Variants in SLC18A2 observed in about 807,000 individuals in gnomAD.
The protein encoded by SLC18A2 is solute carrier family 18 member A2.
Under a neutral mutation model 59.2 loss-of-function variants are expected in SLC18A2, and 33 were observed. The observed-to-expected ratio is 0.56, with a 90% confidence interval of 0.42 to 0.75. SLC18A2 has a LOEUF of 0.75. Among genes scored for constraint, SLC18A2 ranks in the 30% least tolerant of loss-of-function variants. SLC18A2 has a pLI of 0.00. For synonymous variants in SLC18A2, 228 were observed against 253.5 expected, an observed-to-expected ratio of 0.90 and a Z score of 0.95; for missense variants, 569 against 668.6, an observed-to-expected ratio of 0.85 and a Z score of 1.64.
At chr10:117,257,940 G>A in intron 10 of SLC18A2, 48 bp downstream of exon 10, 1 of 1,376,526 alleles carries the variant, frequency 7.3e-7, no homozygotes, top group Non-Finnish European at 1.0e-6. Context: ...TTGTCCCCAG[G>A]GCAGCCTTTG....
At chr10:117,258,658 C>T (rs192622801) in intron 10 of SLC18A2, among the ~76,000 whole-genome samples, 19 of 152,196 alleles carry the variant, frequency 1.2e-4, no homozygotes, top group Admixed American at 3.9e-4. Context: ...CTTTTTCCCA[C>T]GCCTCTTGAT....
intron 10 of SLC18A2, among the ~76,000 whole-genome samples, chr10:117,260,648 T>G (rs1844285586): frequency 6.6e-6 from 1 of 152,252 alleles, no homozygotes; most frequent in Non-Finnish European, 1.5e-5. Flanking sequence ...GGTTGCATAT[T>G]GTTTTATTGT....
At chr10:117,258,401 T>C (rs571002864) in intron 10 of SLC18A2, among the ~76,000 whole-genome samples, 32 of 152,340 alleles carry the variant, frequency 2.1e-4, no homozygotes, top group Non-Finnish European at 3.8e-4. Flanking sequence ...TATGTCTTTT[T>C]CTAGATGGTT....
chr10:117,259,267 T>A (rs1033679134), intron 10 of SLC18A2, among the ~76,000 whole-genome samples: 8 of 152,234 alleles, frequency 5.3e-5, no homozygotes, highest in Non-Finnish European at 1.0e-4. Flanking sequence ...ATGTTTTATG[T>A]AGTGTTTATG....
rs183277792 is a variant in SLC18A2, at chr10:117,257,265, G to A, written c.896-532G>A. Among the ~76,000 whole-genome samples the A allele has an allele frequency of 2.2e-4, 34 of 152,196 alleles. 1 individual carries two copies. Among genetic ancestry groups the A allele is most frequent in the Non-Finnish European group, 2.1e-4 (14 of 68,004 alleles). ...TTAAGAGATCATGAATATTTGCATAGGTGCCCTTATGTACCGCTGAACCCC... is the reference window on the plus strand; with the variant it reads ...TTAAGAGATCATGAATATTTGCATAAGTGCCCTTATGTACCGCTGAACCCC... On this transcript the variant is annotated intron_variant, in intron 9 of 15. Transcript: ENST00000644641.
At chr10:117,265,959 G>T (rs930989620) in intron 10 of SLC18A2, among the ~76,000 whole-genome samples, 4 of 151,982 alleles carry the variant, frequency 2.6e-5, no homozygotes, top group Non-Finnish European at 5.9e-5. Flanking sequence ...GCGTGGTGGC[G>T]CATGCCTGTC....
At chr10:117,275,986 C>G (rs1844484952) in intron 15 of SLC18A2, among the ~76,000 whole-genome samples, 1 of 152,086 alleles carries the variant, frequency 6.6e-6, no homozygotes, top group African/African-American at 2.4e-5. Flanking sequence ...GGGGCCATGA[C>G]AATATGGTCT....
In SLC18A2 at chr10:117,257,863, A is replaced by C. The variant is rs1213793407; in HGVS notation, c.962A>C (p.Glu321Ala). The part of the protein sequence containing the change: ...LEPALPIWMM[E>A]TMCSRKWQLG... ...CCAGCCCTGCCCATCTGGATGATGG[A>C]GACCATGTGTTCCCGAAAGTGGCAG... Residue 321 changes from glutamate to alanine, a missense_variant, in exon 10 of 16, where the codon GAG (glutamate) becomes GCG (alanine). By Grantham distance (107) the Glu-to-Ala change is moderately radical (BLOSUM62 -1). Transcript: ENST00000644641. The C allele has an allele frequency of 6.2e-7, 1 of 1,611,980 alleles. No homozygotes were observed. Among genetic ancestry groups the C allele is most frequent in the Non-Finnish European group, 8.5e-7 (1 of 1,178,968 alleles).
chr10:117,273,755 T>G (rs1844452736), intron 15 of SLC18A2, among the ~76,000 whole-genome samples: 1 of 152,226 alleles, frequency 6.6e-6, no homozygotes, highest in Admixed American at 6.5e-5. Context: ...CATCAAAATC[T>G]CAAAGACTGG....
Position 117,255,385 on chromosome 10 carries a change from G to A in SLC18A2, c.790+19G>A, listed in dbSNP as rs1239957852. ...GATGGAGGTGAGTGAGTCCACGTGG[G>A]CGCCATGCCATGACCTTGGCATCGT... On this transcript the variant is annotated intron_variant, in intron 7 of 15. Transcript: ENST00000644641. 40 of 1,614,112 alleles carry A rather than the reference G, an allele frequency of 2.5e-5. No individual in the cohort carries two copies. Among genetic ancestry groups the A allele is most frequent in the Non-Finnish European group, 3.2e-5 (38 of 1,179,902 alleles).
At chr10:117,249,919 G>A (rs1011061973) in intron 3 of SLC18A2, among the ~76,000 whole-genome samples, 1 of 152,206 alleles carries the variant, frequency 6.6e-6, no homozygotes, top group East Asian at 1.9e-4. Context: ...TGCTGAATCA[G>A]ATCTGGCTCT....
intron 3 of SLC18A2, among the ~76,000 whole-genome samples, chr10:117,245,726 G>A (rs1844104062): frequency 6.6e-6 from 1 of 152,136 alleles, no homozygotes; most frequent in Non-Finnish European, 1.5e-5. Flanking sequence ...GCACCGAGAG[G>A]TGAGGAAGCC....
At chr10:117,243,415 G>C (rs1464212613) in intron 2 of SLC18A2, among the ~76,000 whole-genome samples, 1 of 152,132 alleles carries the variant, frequency 6.6e-6, no homozygotes, top group Non-Finnish European at 1.5e-5. Flanking sequence ...CTTTTGAGAG[G>C]AGACAGTTCT....
intron 9 of SLC18A2, among the ~76,000 whole-genome samples, chr10:117,257,221 T>C (rs958446182): frequency 1.3e-5 from 2 of 152,182 alleles, no homozygotes; most frequent in African/African-American, 4.8e-5. Flanking sequence ...GATAGTTCTA[T>C]ATTTACAAAG....
At chr10:117,260,087 T>C (rs2133737583) in intron 10 of SLC18A2, among the ~76,000 whole-genome samples, 1 of 152,356 alleles carries the variant, frequency 6.6e-6, no homozygotes, top group East Asian at 1.9e-4. Context: ...GAGCCTTTTG[T>C]GTATACCCTG....
chr10:117,275,069 G>A (rs1187938894), intron 15 of SLC18A2, among the ~76,000 whole-genome samples: 1 of 152,140 alleles, frequency 6.6e-6, no homozygotes, highest in East Asian at 1.9e-4. Context: ...TAATCTGGGG[G>A]AGATGAGACA....
At chr10:117,266,899 A>G in intron 11 of SLC18A2, 85 bp from the exon 12 acceptor site, 1 of 1,554,002 alleles carries the variant, frequency 6.4e-7, no homozygotes, top group Non-Finnish European at 8.9e-7. Flanking sequence ...TTGCTGTTAC[A>G]AGTAATTGTT....
chr10:117,246,055 G>C (rs771836118), intron 3 of SLC18A2, among the ~76,000 whole-genome samples: 1 of 152,172 alleles, frequency 6.6e-6, no homozygotes, highest in Non-Finnish European at 1.5e-5. Context: ...AAACCAAACC[G>C]ACCTCAGTAG....
chr10:117,267,990 G>A (rs1030661120), intron 13 of SLC18A2: 3 of 384,750 alleles, frequency 7.8e-6, no homozygotes, highest in Non-Finnish European at 1.5e-5. Flanking sequence ...ATGCTCCACT[G>A]CTGGGGCTGG....
Sources: gnomAD v4.1 joint callset for allele counts (sites outside exome capture counted in the v4.1 genomes callset) on GRCh38, gnomAD v4.1.1 for gene constraint, MANE v1.5 for transcripts, NCBI Gene and HGNC (gene_info 2026-07-23, HGNC 2026-07-21) for gene names.